TENM2: variants seen among roughly 807,000 people sequenced by gnomAD.
The protein encoded by TENM2 is teneurin transmembrane protein 2.
A neutral mutation model predicts 245.2 loss-of-function variants in TENM2; 52 were observed. That is an observed-to-expected ratio of 0.21 (90% confidence interval 0.17 to 0.27). The LOEUF is 0.27. TENM2 is among the 10% of genes least tolerant of loss of function. TENM2 has a pLI of 1.00. For synonymous variants in TENM2, 1,363 were observed against 1,438.9 expected (o/e 0.95, Z 1.19); for missense variants, 3,046 against 3,666.8 (o/e 0.83, Z 4.37).
chr5:167,018,032 A>C, the TENM2 span, among the ~76,000 whole-genome samples: 1 of 152,202 alleles, frequency 6.6e-6, no homozygotes, highest in African/African-American at 2.4e-5. Context: ...TCTGTGAAAA[A>C]TAACATTGAA....
At chr5:167,548,846 A>G (rs538311054) in intron 2 of TENM2, among the ~76,000 whole-genome samples, 30 of 152,278 alleles carry the variant, frequency 2.0e-4, no homozygotes, top group African/African-American at 5.8e-4. Context: ...GGGGGGAGCA[A>G]TGGAACTTGC....
intron 26 of TENM2, among the ~76,000 whole-genome samples, chr5:168,245,230 G>C (rs959585198): frequency 1.7e-5 from 2 of 115,232 alleles, no homozygotes; most frequent in Admixed American, 1.1e-4. Context: ...CCATTGGGGT[G>C]GGGGGCGGGG....
intron 2 of TENM2, among the ~76,000 whole-genome samples, chr5:167,438,237 C>T (rs1021806539): frequency 1.3e-5 from 2 of 152,122 alleles, no homozygotes; most frequent in African/African-American, 2.4e-5. Flanking sequence ...AAAAGTGTTC[C>T]TCTGATGTGC....
chr5:167,117,241 C>T, the TENM2 span, among the ~76,000 whole-genome samples: 4 of 152,216 alleles, frequency 2.6e-5, no homozygotes, highest in African/African-American at 4.8e-5. Flanking sequence ...CCATGGCTCA[C>T]GCCTGTAATC....
At chr5:167,959,148 G>GTC (rs1201137970) in intron 4 of TENM2, among the ~76,000 whole-genome samples, 1 of 150,526 alleles carries the variant, frequency 6.6e-6, no homozygotes, top group Non-Finnish European at 1.5e-5. Context: ...CTTTCACATA[G>GTC]TCCCATATTT....
chr5:167,471,946 A>G (rs1306152252), intron 2 of TENM2, among the ~76,000 whole-genome samples: 1 of 152,152 alleles, frequency 6.6e-6, no homozygotes, highest in East Asian at 1.9e-4. Flanking sequence ...CTTTTTGAGA[A>G]TCTCTTCCTT....
intron 1 of TENM2, among the ~76,000 whole-genome samples, chr5:167,298,657 G>A (rs1365383708): frequency 6.7e-6 from 1 of 148,886 alleles, no homozygotes; most frequent in East Asian, 1.9e-4. Flanking sequence ...AAGAGAAGGA[G>A]AAAAACAGGT....
At chr5:167,685,748 T>TA (rs199981916) in intron 2 of TENM2, among the ~76,000 whole-genome samples, 213 of 152,088 alleles carry the variant, frequency 1.4e-3, no homozygotes, top group African/African-American at 4.5e-3. Context: ...TGGTAGGTGG[T>TA]AAAAAAAACA....
chr5:167,315,491 A>T (rs1173337957), intron 1 of TENM2, among the ~76,000 whole-genome samples: 1 of 152,198 alleles, frequency 6.6e-6, no homozygotes, highest in Non-Finnish European at 1.5e-5. Flanking sequence ...TTTTGGAGGT[A>T]TTCACAGAAT....
chr5:168,091,977 C>T (rs966681239), intron 8 of TENM2, among the ~76,000 whole-genome samples: 2 of 152,264 alleles, frequency 1.3e-5, no homozygotes, highest in East Asian at 1.9e-4. Flanking sequence ...ACAAATAAAA[C>T]GTGTGTGGCA....
intron 2 of TENM2, among the ~76,000 whole-genome samples, chr5:167,429,358 T>C (rs548546469): frequency 7.9e-5 from 12 of 152,268 alleles, no homozygotes; most frequent in African/African-American, 2.2e-4. Context: ...AGGACTAAAT[T>C]AATCCATCCA....
intron 2 of TENM2, among the ~76,000 whole-genome samples, chr5:167,681,015 C>T (rs2150375624): frequency 6.6e-6 from 1 of 152,226 alleles, no homozygotes; most frequent in Admixed American, 6.5e-5. Context: ...ATTTGAGTTG[C>T]TAACTACAAA....
At chr5:167,983,137 GA>G (rs974330422) in intron 4 of TENM2, among the ~76,000 whole-genome samples, 47 of 148,090 alleles carry the variant, frequency 3.2e-4, no homozygotes, top group African/African-American at 1.0e-3. Flanking sequence ...CAATTAACTT[GA>G]AAAAAGTCAC....
intron 2 of TENM2, among the ~76,000 whole-genome samples, chr5:167,657,569 C>T (rs1561644852): frequency 6.6e-6 from 1 of 152,198 alleles, no homozygotes; most frequent in Non-Finnish European, 1.5e-5. Context: ...TACTGTCCTT[C>T]ACAGTGGCTA....
chr5:167,835,667 G>A (rs899023295), intron 2 of TENM2, among the ~76,000 whole-genome samples: 2 of 152,014 alleles, frequency 1.3e-5, no homozygotes, highest in Non-Finnish European at 2.9e-5. Context: ...GGACATGCAT[G>A]AATGCTGACT....
chr5:167,640,882 T>TATATCC (rs1779547967), intron 2 of TENM2, among the ~76,000 whole-genome samples: 3 of 67,528 alleles, frequency 4.4e-5, no homozygotes, highest in Non-Finnish European at 7.8e-5. Context: ...TATATATATA[T>TATATCC]ATATATATAT....
intron 2 of TENM2, among the ~76,000 whole-genome samples, chr5:167,591,234 C>T (rs1275950368): frequency 6.6e-6 from 1 of 152,204 alleles, no homozygotes; most frequent in Non-Finnish European, 1.5e-5. Context: ...TTTAGAATAA[C>T]TGTTATCATA....
the TENM2 span, among the ~76,000 whole-genome samples, chr5:167,158,887 C>CCTT: frequency 6.6e-3 from 957 of 145,398 alleles, 24 homozygotes; most frequent in Non-Finnish European, 6.2e-3. Context: ...TTCCTTCCTT[C>CCTT]CTTCCTTCCT....
the TENM2 span, among the ~76,000 whole-genome samples, chr5:167,003,000 A>G: frequency 1.3e-5 from 2 of 151,858 alleles, no homozygotes; most frequent in African/African-American, 4.8e-5. Context: ...AAAACCCTCT[A>G]GGACTCATTT....
Sources: allele counts gnomAD v4.1 joint callset (sites outside exome capture counted in the v4.1 genomes callset), GRCh38; gene constraint gnomAD v4.1.1; transcripts MANE v1.5; gene names NCBI Gene and HGNC (gene_info 2026-07-23, HGNC 2026-07-21).